Variants in NRG2 observed in about 807,000 individuals in gnomAD.
NRG2 encodes the protein pro-neuregulin-2, membrane-bound isoform.
Under a neutral mutation model 73.9 loss-of-function variants are expected in NRG2, and 27 were observed. That is an observed-to-expected ratio of 0.37 (90% confidence interval 0.27 to 0.50). NRG2 has a LOEUF of 0.50. Ranked by LOEUF, NRG2 falls within the 20% of genes least tolerant of loss-of-function variation. The pLI is 0.96. For synonymous variants in NRG2, 532 were observed against 541.0 expected (o/e 0.98, Z 0.23); for missense variants, 1,126 against 1,210.1 (o/e 0.93, Z 1.03).
Position 139,919,162 on chromosome 5 carries a change from A to C in NRG2, c.701-31651T>G, listed in dbSNP as rs141424378. 1.2e-4 allele frequency among the ~76,000 whole-genome samples: 19 copies of C among 152,198 alleles called. No homozygotes were observed. The East Asian group carries it at 3.7e-3, about 29-fold the overall frequency. ...TAAGCAGGCAACGCTGGGAGTTCTG[A>C]GCTTCCACTCAAAGTCAGGGAAATG... is the stretch of plus-strand genomic sequence containing the variant. On this transcript the variant is annotated intron_variant, in intron 1 of 9. Transcript: ENST00000361474.
rs1056976382 is a variant in NRG2, at chr5:139,906,241, C to T, written c.701-18730G>A. Among the ~76,000 whole-genome samples, 46 of 151,890 alleles carry T rather than the reference C, an allele frequency of 3.0e-4. 1 individual carries two copies. The highest frequency in any genetic ancestry group is 1.3e-4 in the Admixed American group (2 of 15,248). The stretch of plus-strand genomic sequence containing the variant: ...CAGGCTGGTCTCGAACTCCTGACCT[C>T]CTGATCCGCCTGCCTCAGCCTCTCA... On this transcript the variant is annotated intron_variant, in intron 1 of 9. Transcript: ENST00000361474.
chr5:140,028,572 A>T (rs923601998), intron 1 of NRG2, among the ~76,000 whole-genome samples: 1 of 152,048 alleles, frequency 6.6e-6, no homozygotes, highest in East Asian at 1.9e-4. Context: ...AGACGATGAG[A>T]CCCTGGCTCC....
chr5:140,002,950 G>C (rs1183484727), intron 1 of NRG2, among the ~76,000 whole-genome samples: 1 of 152,176 alleles, frequency 6.6e-6, no homozygotes, highest in East Asian at 1.9e-4. Flanking sequence ...TGAAAGAAGA[G>C]GAGAATCCCA....
chr5:139,911,099 C>T (rs1765535180), intron 1 of NRG2, among the ~76,000 whole-genome samples: 1 of 151,910 alleles, frequency 6.6e-6, no homozygotes, highest in Non-Finnish European at 1.5e-5. Flanking sequence ...CTGGACAGGG[C>T]TGGGAGCAGG....
At chr5:139,950,280 C>T (rs1354703011) in intron 1 of NRG2, among the ~76,000 whole-genome samples, 2 of 152,218 alleles carry the variant, frequency 1.3e-5, no homozygotes, top group African/African-American at 4.8e-5. Flanking sequence ...CCATCTCAAC[C>T]TACTTCAGGG....
At chr5:139,946,111 G>T (rs1753783169) in intron 1 of NRG2, among the ~76,000 whole-genome samples, 1 of 152,012 alleles carries the variant, frequency 6.6e-6, no homozygotes, top group Non-Finnish European at 1.5e-5. Context: ...AAATTGACAA[G>T]CTGATCTTAA....
intron 1 of NRG2, among the ~76,000 whole-genome samples, chr5:139,953,993 C>T (rs7725079): frequency 0.01 from 1,540 of 152,150 alleles, 23 homozygotes; most frequent in African/African-American, 0.035. Flanking sequence ...CCGAAGAGAA[C>T]CTGAAAAAGT....
intron 5 of NRG2, among the ~76,000 whole-genome samples, chr5:139,862,271 G>A (rs1419508611): frequency 6.6e-6 from 1 of 152,228 alleles, no homozygotes; most frequent in African/African-American, 2.4e-5. Flanking sequence ...TCAAAGGCCA[G>A]TACTGTTTAG....
At chr5:139,898,642 C>CTACT (rs1764696883) in intron 1 of NRG2, among the ~76,000 whole-genome samples, 1 of 152,228 alleles carries the variant, frequency 6.6e-6, no homozygotes, top group Non-Finnish European at 1.5e-5. Flanking sequence ...TCAGCTGGGG[C>CTACT]TACTGCAGGA....
At chr5:139,884,808 T>A (rs1419642729) in intron 2 of NRG2, among the ~76,000 whole-genome samples, 1 of 152,146 alleles carries the variant, frequency 6.6e-6, no homozygotes, top group Non-Finnish European at 1.5e-5. Context: ...CAGAAATGAA[T>A]TCTCAGAGGG....
intron 3 of NRG2, among the ~76,000 whole-genome samples, chr5:139,878,000 C>T (rs1763291324): frequency 1.3e-5 from 2 of 152,254 alleles, no homozygotes; most frequent in South Asian, 4.1e-4. Flanking sequence ...GGTTCCTAAA[C>T]TGATCACAGC....
intron 1 of NRG2, among the ~76,000 whole-genome samples, chr5:139,926,082 G>A (rs1483365939): frequency 1.3e-5 from 2 of 152,234 alleles, no homozygotes; most frequent in Admixed American, 1.3e-4. Flanking sequence ...CACAGCAACA[G>A]GGTGTGGAGA....
At chr5:139,902,107 G>A (rs891363211) in intron 1 of NRG2, among the ~76,000 whole-genome samples, 2 of 152,238 alleles carry the variant, frequency 1.3e-5, no homozygotes, top group African/African-American at 4.8e-5. Context: ...CTGGCTTCCA[G>A]CTGTGCCATT....
chr5:139,873,016 C>T (rs928652171), intron 3 of NRG2, among the ~76,000 whole-genome samples: 2 of 152,122 alleles, frequency 1.3e-5, no homozygotes, highest in Non-Finnish European at 2.9e-5. Context: ...CTCCACTCCC[C>T]TCAGTAATAG....
In NRG2 at chr5:139,848,311, G is replaced by C; in HGVS notation, c.2159C>G (p.Ala720Gly). 9 of 1,180,014 alleles carry C rather than the reference G, an allele frequency of 7.6e-6. No individual in the cohort carries two copies. The highest frequency in any genetic ancestry group is 9.4e-6 in the Non-Finnish European group (9 of 955,600). 73.1% of individuals were successfully genotyped at this position (1,180,014 alleles called of 1,614,324 possible). A position where few individuals can be genotyped will look rare whatever the true frequency, so the allele number is the denominator to read the frequency against. ...GCGCGGCCGCGGCGGCGGCGGGGGCGCGCACTCCTGCGTGGTCTCGTACTC... is the reference window on the plus strand; with the variant it reads ...GCGCGGCCGCGGCGGCGGCGGGGGCCCGCACTCCTGCGTGGTCTCGTACTC... The part of the protein sequence containing the change: ...DDEYETTQEC[A>G]PPPPPRPRAR... Residue 720 changes from alanine (A) to glycine (G), a missense_variant, in exon 10 of 10, where the codon GCG becomes GGG. Transcript: ENST00000361474.
chr5:139,876,517 C>G (rs533994666), intron 3 of NRG2, among the ~76,000 whole-genome samples: 1 of 151,830 alleles, frequency 6.6e-6, no homozygotes, highest in East Asian at 1.9e-4. Context: ...AAAAAAGCAC[C>G]CGGGAGGAGT....
At chr5:139,902,152 C>A (rs1481686490) in intron 1 of NRG2, among the ~76,000 whole-genome samples, 3 of 152,212 alleles carry the variant, frequency 2.0e-5, no homozygotes, top group Non-Finnish European at 4.4e-5. Flanking sequence ...TACCCAACAC[C>A]CCCAGCACCG....
Position 139,853,000 on chromosome 5 carries a change from G to T in NRG2, c.1320C>A (p.His440Gln). The stretch of plus-strand genomic sequence containing the variant: ...GGGCCGGGCACATGTTCTGCCGGAG[G>T]TGGTTGTGCATCTGCTTCCGCTGTT... Reference protein sequence around the residue: ...TKKQRKQMHNHLRQNMCPAHQ... With the variant: ...TKKQRKQMHNQLRQNMCPAHQ... The change falls in exon 7 of 10, where the codon CAC (histidine) becomes CAA (glutamine). Residue 440 changes from histidine to glutamine, a missense_variant. His to Gln is a conservative substitution (Grantham distance 24). Around this residue, in one of 3 missense-constraint regions of NRG2, gnomAD observed 539 missense variants for 703.2 expected, o/e 0.77. Transcript: ENST00000361474. The surrounding 1 kb of genome is among the most constrained non-coding windows in gnomAD (Gnocchi z 4.4). The T allele has an allele frequency of 6.2e-7, 1 of 1,613,570 alleles. No individual in the cohort carries two copies.
rs1318717698 is a variant in NRG2 at position 139,904,252 on chromosome 5, G to A, written c.701-16741C>T. On this transcript the variant is annotated intron_variant, in intron 1 of 9. Coordinates refer to ENST00000361474, the MANE Select transcript of NRG2 (RefSeq NM_004883.3). This position sits in a 1 kb window ranked among gnomAD's most constrained non-coding sequence, Gnocchi z 6.0. ...GCGCTGCGCTGGGGGCGGGTGAGCG[G>A]GCGGCAGGTTTCTCCCAGGGAAACC... The A allele has an allele frequency of 4.5e-6, 7 of 1,550,066 alleles. No individual in the cohort carries two copies. The highest frequency in any genetic ancestry group is 6.1e-6 in the Non-Finnish European group (7 of 1,155,122).
Sources: allele counts gnomAD v4.1 joint callset (sites outside exome capture counted in the v4.1 genomes callset), GRCh38; gene constraint gnomAD v4.1.1; regional missense constraint gnomAD v4.1.1; non-coding constraint Gnocchi (gnomAD v3.1); transcripts MANE v1.5; gene names NCBI Gene and HGNC (gene_info 2026-07-23, HGNC 2026-07-21).